HERC2: variants seen among roughly 807,000 people sequenced by gnomAD.
HERC2 encodes the protein HECT and RLD domain containing E3 ubiquitin protein ligase 2.
In HERC2, 102 loss-of-function variants were observed where a neutral mutation model predicts 537.7. That is an observed-to-expected ratio of 0.19 (90% CI 0.16 to 0.22). The LOEUF (loss-of-function observed/expected upper bound fraction) is 0.22, where lower values mean the gene tolerates loss of function less well. HERC2 is among the 10% of genes least tolerant of loss of function. HERC2 has a pLI of 1.00. For synonymous variants in HERC2, 2,224 were observed against 2,466.2 expected (o/e 0.90, Z 2.91); for missense variants, 4,236 against 6,198.2 (o/e 0.68, Z 10.63).
At chr15:28,116,533 T>C in intron 88 of HERC2, 132 bp downstream of exon 88, 1 of 977,380 alleles carries the variant, frequency 1.0e-6, no homozygotes. Context: ...GTCATTTTTA[T>C]TGGTAACAGT....
rs945751718 is a variant in HERC2 at position 28,142,254 on chromosome 15, C to A, written c.11684G>T (p.Arg3895Leu). ...ATGCAATACCTCATCAAGAAACAGACGGGGCAACGGTGTTCTTTTGTCAAG... is the reference window on the plus strand; with the variant it reads ...ATGCAATACCTCATCAAGAAACAGAAGGGGCAACGGTGTTCTTTTGTCAAG... ...VALDKRTPLP[R>L]LFLDEVAKKI... Residue 3895 changes from arginine (R) to leucine (L), a missense_variant, in exon 76 of 93, where the codon CGT becomes CTT. Physicochemically the swap from Arg to Leu is moderately radical, Grantham distance 102. Around this residue, in one of 27 missense-constraint regions of HERC2, gnomAD observed 156 missense variants for 172.3 expected, o/e 0.91. Transcript: ENST00000261609. 2.5e-6 allele frequency: 4 copies of A among 1,613,946 alleles called. No homozygotes were observed. Among genetic ancestry groups the A allele is most frequent in the Non-Finnish European group, 3.4e-6 (4 of 1,179,964 alleles).
At chr15:28,236,590 T>C (rs1902489126) in intron 26 of HERC2, among the ~76,000 whole-genome samples, 1 of 150,984 alleles carries the variant, frequency 6.6e-6, no homozygotes, top group Admixed American at 6.6e-5. Context: ...TGCCTGGCTA[T>C]CTCCTACTTT....
intron 83 of HERC2, among the ~76,000 whole-genome samples, chr15:28,126,765 A>G (rs775986736): frequency 2.0e-5 from 3 of 152,206 alleles, no homozygotes; most frequent in Non-Finnish European, 4.4e-5. Flanking sequence ...TACTGTGTAC[A>G]CTACTTGGGT....
At chr15:28,195,503 T>C (rs186706253) in intron 52 of HERC2, among the ~76,000 whole-genome samples, 791 of 150,866 alleles carry the variant, frequency 5.2e-3, no homozygotes, top group African/African-American at 0.016. Flanking sequence ...GAATATTATT[T>C]AGCCATTAAA....
Position 28,135,563 on chromosome 15 carries a change from T to C in HERC2, c.12145A>G (p.Lys4049Glu), listed in dbSNP as rs1224530842. The C allele has an allele frequency of 6.2e-7, 1 of 1,614,114 alleles. No homozygotes were observed. The highest frequency in any genetic ancestry group is 8.5e-7 in the Non-Finnish European group (1 of 1,180,048). The stretch of plus-strand genomic sequence containing the variant: ...TCTGAAGACAGGGCAAGGCAGTGCT[T>C]TCCTCCAGAGTTCACAGCTACTTTC... ...IKKVAVNSGG[K>E]HCLALSSEGE... The change falls in exon 79 of 93, where the codon AAG (lysine) becomes GAG (glutamate). Residue 4049 changes from lysine (K) to glutamate (E), a missense_variant. Lys to Glu is a moderately conservative substitution (Grantham distance 56, BLOSUM62 1). Transcript: ENST00000261609.
Position 28,220,636 on chromosome 15 carries a change from A to C in HERC2, c.5661T>G (p.Pro1887=), listed in dbSNP as rs764347132. Residue 1887 remains proline (P), a synonymous_variant, in exon 37 of 93, where the codon CCT becomes CCG. Transcript: ENST00000261609. ...VDWKWGDQDG[P]PPGLGRVIGE... Reference sequence around the variant, plus strand: ...CAATCACGCGGCCTAGGCCTGGAGGAGGCCCATCCTGAGAAAGCCAAAGTA... The same window carrying C: ...CAATCACGCGGCCTAGGCCTGGAGGCGGCCCATCCTGAGAAAGCCAAAGTA... 3.1e-6 allele frequency: 5 copies of C among 1,603,816 alleles called. No individual in the cohort carries two copies. The East Asian group carries it at 6.7e-5, about 21-fold the overall frequency.
intron 52 of HERC2, among the ~76,000 whole-genome samples, chr15:28,193,639 C>T (rs1897062318): frequency 6.6e-6 from 1 of 152,102 alleles, no homozygotes; most frequent in South Asian, 2.1e-4. Context: ...GAAAGATAAA[C>T]ATCTCCATGC....
chr15:28,235,999 C>T (rs1204514157), intron 26 of HERC2, among the ~76,000 whole-genome samples: 1 of 152,212 alleles, frequency 6.6e-6, no homozygotes, highest in East Asian at 1.9e-4. Flanking sequence ...TGAGCCTGGT[C>T]TGGTAAAAAC....
At position 28,113,197 on chromosome 15, in the gene HERC2, C is replaced by A. The variant is rs374551104; in HGVS notation, c.14106G>T (p.Gln4702His). Residue 4702 changes from glutamine (Q) to histidine (H), a missense_variant, in exon 92 of 93, where the codon CAG becomes CAT. Transcript: ENST00000261609. This position sits in a 1 kb window ranked among gnomAD's most constrained non-coding sequence, Gnocchi z 7.0. ...AGGACTCCATCACCTCCCAGAACCA[C>A]TGGATCAGCGATGCGGAAGGCTCGA... ...KGIEPSASLIQWFWEVMESFS... is the reference protein window; with the variant it reads ...KGIEPSASLIHWFWEVMESFS... 1.2e-5 allele frequency: 19 copies of A among 1,614,050 alleles called. No homozygotes were observed. The highest frequency in any genetic ancestry group is 1.5e-5 in the Non-Finnish European group (18 of 1,180,048).
In HERC2 at chr15:28,237,020, G is replaced by A. The variant is rs1902536250; in HGVS notation, c.3946C>T (p.His1316Tyr). The A allele has an allele frequency of 1.9e-6, 3 of 1,611,864 alleles. No individual in the cohort carries two copies. Among genetic ancestry groups the A allele is most frequent in the Admixed American group, 3.3e-5 (2 of 60,002 alleles). ...GTGCTCATTGCCAAATACGAAGCGT[G>A]TAATCCGAGAAGCAGGCCCAGATTC... ...ERNLGLLLGL[H>Y]ASYLAMSTPL... Residue 1316 changes from histidine to tyrosine, a missense_variant, in exon 26 of 93, where the codon CAC (histidine) becomes TAC (tyrosine). This residue lies in a region of HERC2 where 754 missense variants were observed against 1,085.0 expected (regional missense o/e 0.69). Coordinates refer to ENST00000261609, the MANE Select transcript of HERC2 (RefSeq NM_004667.6).
At chr15:28,237,454 A>G (rs1449408109) in intron 25 of HERC2, among the ~76,000 whole-genome samples, 1 of 152,228 alleles carries the variant, frequency 6.6e-6, no homozygotes, top group Non-Finnish European at 1.5e-5. Flanking sequence ...TTACATGCAT[A>G]AAGAACCCAC....
At chr15:28,152,553 T>C in intron 70 of HERC2, 124 bp downstream of exon 70, 1 of 895,440 alleles carries the variant, frequency 1.1e-6, no homozygotes. Context: ...AAAGTGATTC[T>C]AAAGCAATTC....
At chr15:28,144,942 G>A (rs370007504) in intron 71 of HERC2, 138 bp from the exon 72 acceptor site, 15 of 1,038,112 alleles carry the variant, frequency 1.4e-5, no homozygotes, top group Non-Finnish European at 2.1e-5. Flanking sequence ...CCAAGCCGAA[G>A]TGCACAGTGA....
At chr15:28,114,466 C>T in intron 90 of HERC2, 146 bp downstream of exon 90, 1 of 669,836 alleles carries the variant, frequency 1.5e-6, no homozygotes, top group Middle Eastern at 4.2e-4. Flanking sequence ...ACAAAATAAG[C>T]TTTATACCCA....
intron 78 of HERC2, among the ~76,000 whole-genome samples, chr15:28,139,812 G>C (rs1891009770): frequency 6.6e-6 from 1 of 151,522 alleles, no homozygotes; most frequent in South Asian, 2.1e-4. Flanking sequence ...TGTAATCCCA[G>C]CACTTTGGGA....
At chr15:28,317,406 A>G (rs371346550) in intron 2 of HERC2, among the ~76,000 whole-genome samples, 3 of 152,212 alleles carry the variant, frequency 2.0e-5, no homozygotes, top group Admixed American at 2.0e-4. Context: ...CAATATTTAT[A>G]TACAATAAGC....
At chr15:28,213,675 T>C (rs1899524310) in intron 42 of HERC2, 67 bp downstream of exon 42, 2 of 1,610,012 alleles carry the variant, frequency 1.2e-6, no homozygotes, top group Admixed American at 1.7e-5. Context: ...GTGCTGATGC[T>C]GGTGCTCGGT....
chr15:28,296,697 A>C (rs1001323599), intron 3 of HERC2, among the ~76,000 whole-genome samples: 1 of 151,948 alleles, frequency 6.6e-6, no homozygotes, highest in Non-Finnish European at 1.5e-5. Context: ...CATAAAAAAA[A>C]AAAAAAAAAA....
chr15:28,119,684 G>C (rs1207111754), intron 86 of HERC2, among the ~76,000 whole-genome samples: 3 of 151,960 alleles, frequency 2.0e-5, no homozygotes, highest in African/African-American at 4.8e-5. Context: ...AGACTCCTAG[G>C]CTCAAGCAAT....
Sources: gnomAD v4.1 joint callset for allele counts (sites outside exome capture counted in the v4.1 genomes callset) on GRCh38, gnomAD v4.1.1 for gene constraint, gnomAD v4.1.1 regional missense constraint, Gnocchi (gnomAD v3.1) non-coding constraint, MANE v1.5 for transcripts, NCBI Gene and HGNC (gene_info 2026-07-23, HGNC 2026-07-21) for gene names.